PCDH9: variants seen among roughly 807,000 people sequenced by gnomAD.
PCDH9 encodes protocadherin 9.
A neutral mutation model predicts 70.6 loss-of-function variants in PCDH9; 24 were observed. The ratio of observed to expected loss-of-function variants is 0.34; its 90% confidence interval spans 0.25 to 0.48. The LOEUF (loss-of-function observed/expected upper bound fraction) is 0.48. Ranked by LOEUF, PCDH9 falls within the 20% of genes least tolerant of loss-of-function variation. The pLI is 0.99. For synonymous variants in PCDH9, 562 were observed against 558.5 expected, an observed-to-expected ratio of 1.01 and a Z score of -0.09; for missense variants, 1,281 against 1,503.6, an observed-to-expected ratio of 0.85 and a Z score of 2.45.
chr13:66,944,349 C>T (rs2083053591), intron 2 of PCDH9, among the ~76,000 whole-genome samples: 1 of 152,052 alleles, frequency 6.6e-6, no homozygotes. Context: ...CTATAATATG[C>T]AATTTTTCAT....
chr13:66,771,673 G>A (rs1222544862), intron 3 of PCDH9, among the ~76,000 whole-genome samples: 1 of 152,204 alleles, frequency 6.6e-6, no homozygotes, highest in Non-Finnish European at 1.5e-5. Flanking sequence ...AACATCAGTT[G>A]TGCAGTCAAC....
chr13:66,815,572 C>T (rs2080587274), intron 3 of PCDH9, among the ~76,000 whole-genome samples: 3 of 152,044 alleles, frequency 2.0e-5, no homozygotes, highest in Admixed American at 1.3e-4. Context: ...ACATATATAC[C>T]ATGTAATACT....
At chr13:66,562,428 A>T (rs1950446787) in intron 4 of PCDH9, among the ~76,000 whole-genome samples, 1 of 152,152 alleles carries the variant, frequency 6.6e-6, no homozygotes, top group African/African-American at 2.4e-5. Flanking sequence ...AAGACTAGGT[A>T]ATTTATTAAA....
At chr13:66,810,078 ATACTT>A (rs148101675) in intron 3 of PCDH9, among the ~76,000 whole-genome samples, 91 of 152,268 alleles carry the variant, frequency 6.0e-4, no homozygotes, top group African/African-American at 2.1e-3. Context: ...TTGTGGAATT[ATACTT>A]TATTTGCTAT....
At chr13:66,972,398 A>G (rs2083540314) in intron 2 of PCDH9, among the ~76,000 whole-genome samples, 1 of 151,940 alleles carries the variant, frequency 6.6e-6, no homozygotes, top group Non-Finnish European at 1.5e-5. Context: ...TTCTCTTAAA[A>G]GTATATTTTC....
chr13:66,475,752 C>T (rs570785869), intron 4 of PCDH9, among the ~76,000 whole-genome samples: 5 of 152,184 alleles, frequency 3.3e-5, no homozygotes, highest in South Asian at 4.1e-4. Flanking sequence ...CACAGCTGTA[C>T]GCCCAGAAAG....
chr13:66,982,827 T>C (rs1271828817), intron 2 of PCDH9, among the ~76,000 whole-genome samples: 1 of 152,216 alleles, frequency 6.6e-6, no homozygotes, highest in Non-Finnish European at 1.5e-5. Flanking sequence ...AGAATAATTT[T>C]ATAAATGTAT....
In PCDH9 at chr13:66,310,308, A is replaced by T. The variant is rs571488964; in HGVS notation, c.3341-5280T>A. ...CATCTTCTCGTTAAACACCAAATAA[A>T]ATATTTTTCAAAGTTTTAGGCATTA... is the stretch of plus-strand genomic sequence containing the variant. On this transcript the variant is annotated intron_variant, in intron 4 of 4. Transcript: ENST00000377865. Among the ~76,000 whole-genome samples, 165 of 152,168 alleles carry T rather than the reference A, an allele frequency of 1.1e-3. 1 individual carries two copies. Among genetic ancestry groups the T allele is most frequent in the Non-Finnish European group, 1.4e-3 (95 of 67,928 alleles).
chr13:66,332,300 C>T (rs1390800358), intron 4 of PCDH9, among the ~76,000 whole-genome samples: 1 of 152,012 alleles, frequency 6.6e-6, no homozygotes, highest in African/African-American at 2.4e-5. Flanking sequence ...GAGCATACAC[C>T]ATGTTAGAAT....
At chr13:66,846,436 T>C in intron 3 of PCDH9, among the ~76,000 whole-genome samples, 1 of 152,160 alleles carries the variant, frequency 6.6e-6, no homozygotes, top group African/African-American at 2.4e-5. Context: ...CAGATGTTTT[T>C]TTAGCCACCT....
intron 2 of PCDH9, among the ~76,000 whole-genome samples, chr13:67,002,998 T>G (rs2084276733): frequency 6.6e-6 from 1 of 152,068 alleles, no homozygotes; most frequent in Admixed American, 6.6e-5. Context: ...TGTTTGTTTT[T>G]AATGTTAAAT....
intron 2 of PCDH9, among the ~76,000 whole-genome samples, chr13:66,987,119 T>C (rs554815612): frequency 1.9e-3 from 293 of 152,158 alleles, no homozygotes; most frequent in Middle Eastern, 0.017. Context: ...ACAATGAATA[T>C]GTATGTTCTT....
chr13:67,095,495 C>T (rs1343692512), intron 2 of PCDH9, among the ~76,000 whole-genome samples: 1 of 152,112 alleles, frequency 6.6e-6, no homozygotes, highest in African/African-American at 2.4e-5. Context: ...ATGATGACAT[C>T]TTCTCCTTTA....
intron 3 of PCDH9, among the ~76,000 whole-genome samples, chr13:66,639,370 A>G (rs1289276984): frequency 6.6e-6 from 1 of 152,190 alleles, no homozygotes; most frequent in African/African-American, 2.4e-5. Flanking sequence ...TCCTCAAACT[A>G]AGGATCTGTA....
intron 4 of PCDH9, among the ~76,000 whole-genome samples, chr13:66,459,674 G>A (rs1189680599): frequency 6.6e-6 from 1 of 151,856 alleles, no homozygotes; most frequent in Non-Finnish European, 1.5e-5. Flanking sequence ...GCTGCTTTGA[G>A]GCCAGTTTAC....
intron 2 of PCDH9, among the ~76,000 whole-genome samples, chr13:67,091,309 C>T (rs1036134709): frequency 3.9e-5 from 6 of 152,062 alleles, no homozygotes; most frequent in African/African-American, 9.7e-5. Context: ...TTTATCTACA[C>T]AAAACACTTC....
chr13:66,623,173 C>T (rs2077451896), intron 4 of PCDH9, among the ~76,000 whole-genome samples: 1 of 152,244 alleles, frequency 6.6e-6, no homozygotes, highest in African/African-American at 2.4e-5. Context: ...GTCAGTCAGA[C>T]CAACAACCCA....
chr13:67,110,179 A>G (rs1269858178), intron 2 of PCDH9, among the ~76,000 whole-genome samples: 1 of 151,878 alleles, frequency 6.6e-6, no homozygotes, highest in Non-Finnish European at 1.5e-5. Context: ...ACTGCTATGC[A>G]AAAGTGTTAA....
intron 4 of PCDH9, among the ~76,000 whole-genome samples, chr13:66,385,072 AT>A (rs199903999): frequency 1.5e-4 from 22 of 150,974 alleles, no homozygotes; most frequent in East Asian, 3.9e-4. Context: ...TGTATTTGAC[AT>A]TTTTTTTTAA....
Sources: gnomAD v4.1 joint callset for allele counts (sites outside exome capture counted in the v4.1 genomes callset) on GRCh38, gnomAD v4.1.1 for gene constraint, MANE v1.5 for transcripts, NCBI Gene and HGNC (gene_info 2026-07-23, HGNC 2026-07-21) for gene names.